The following DNAJC1 variants were observed in gnomAD, a reference collection of about 807,000 sequenced individuals.
DNAJC1 encodes the protein DnaJ heat shock protein family (Hsp40) member C1.
DNAJC1 carries 58 observed loss-of-function variants against 76.6 expected under a neutral mutation model. The ratio of observed to expected loss-of-function variants is 0.76; its 90% CI spans 0.61 to 0.94. DNAJC1 has a LOEUF of 0.94. DNAJC1 is among the 40% of genes least tolerant of loss of function. The pLI is 0.00. For synonymous variants in DNAJC1, 258 were observed against 267.9 expected (o/e 0.96, Z 0.36); for missense variants, 689 against 677.3 (o/e 1.02, Z -0.19).
At chr10:21,778,774 G>A (rs1057193542) in intron 9 of DNAJC1, among the ~76,000 whole-genome samples, 2 of 152,238 alleles carry the variant, frequency 1.3e-5, no homozygotes, top group African/African-American at 4.8e-5. Flanking sequence ...AGCCCACCAA[G>A]CGTGAGCCGA....
At chr10:21,774,561 G>A (rs912058761) in intron 9 of DNAJC1, among the ~76,000 whole-genome samples, 3 of 152,116 alleles carry the variant, frequency 2.0e-5, no homozygotes, top group Non-Finnish European at 2.9e-5. Context: ...TACAAGCTCC[G>A]CCTCCTGGGT....
chr10:21,942,384 C>T (rs2131797951), intron 1 of DNAJC1, among the ~76,000 whole-genome samples: 1 of 152,220 alleles, frequency 6.6e-6, no homozygotes, highest in South Asian at 2.1e-4. Context: ...CAGCAGAATA[C>T]TTTAATATAC....
chr10:21,918,849 T>A lies in DNAJC1; in HGVS notation c.659A>T (p.His220Leu), dbSNP rs760220559. ...NERLLMKPQW[H>L]DLLPCKLGIW... ...CCCCAGTTTGCATGGAAGCAAATCA[T>A]GCCACTGTGGTTTCATCAGCAATCT... The change falls in exon 6 of 12, where the codon CAT becomes CTT. Residue 220 changes from histidine (H) to leucine (L), a missense_variant. Transcript: ENST00000376980. 3.1e-6 allele frequency: 5 copies of A among 1,613,234 alleles called. No individual in the cohort carries two copies. Among genetic ancestry groups the A allele is most frequent in the Non-Finnish European group, 4.2e-6 (5 of 1,179,344 alleles).
At chr10:21,798,990 G>C (rs542066313) in intron 9 of DNAJC1, among the ~76,000 whole-genome samples, 8 of 152,312 alleles carry the variant, frequency 5.3e-5, no homozygotes, top group African/African-American at 1.9e-4. Context: ...ATATGTGCCT[G>C]ACCAACAATC....
chr10:21,861,868 C>T (rs1163972653), intron 8 of DNAJC1, among the ~76,000 whole-genome samples: 2 of 152,050 alleles, frequency 1.3e-5, no homozygotes, highest in Admixed American at 6.6e-5. Context: ...TGGGGCTGCT[C>T]GATCTGGAGT....
chr10:21,795,659 G>A (rs1362186494), intron 9 of DNAJC1, among the ~76,000 whole-genome samples: 1 of 152,144 alleles, frequency 6.6e-6, no homozygotes, highest in African/African-American at 2.4e-5. Flanking sequence ...AATAACATGA[G>A]ATTTACTCTC....
intron 1 of DNAJC1, among the ~76,000 whole-genome samples, chr10:21,991,163 T>C (rs1399109749): frequency 6.6e-6 from 1 of 152,160 alleles, no homozygotes; most frequent in African/African-American, 2.4e-5. Flanking sequence ...TAGCTAGCAA[T>C]ATATAAGATG....
At chr10:21,962,649 C>CTTT (rs775112321) in intron 1 of DNAJC1, among the ~76,000 whole-genome samples, 1 of 131,948 alleles carries the variant, frequency 7.6e-6, no homozygotes, top group East Asian at 2.1e-4. Flanking sequence ...TTTTCTTTTT[C>CTTT]TTTTTTTTTT....
intron 1 of DNAJC1, among the ~76,000 whole-genome samples, chr10:21,998,007 A>AT (rs34164311): frequency 3.3e-5 from 5 of 152,156 alleles, no homozygotes; most frequent in Non-Finnish European, 5.9e-5. Flanking sequence ...CAATTCACAG[A>AT]TTTTTTTAAA....
At chr10:21,757,424 T>G (rs1453942939) in intron 11 of DNAJC1, among the ~76,000 whole-genome samples, 1 of 152,220 alleles carries the variant, frequency 6.6e-6, no homozygotes, top group African/African-American at 2.4e-5. Flanking sequence ...TCTATTCTGT[T>G]TCTGTTCCAA....
intron 10 of DNAJC1, among the ~76,000 whole-genome samples, chr10:21,763,820 C>T (rs1323271821): frequency 6.6e-6 from 1 of 152,066 alleles, no homozygotes; most frequent in Non-Finnish European, 1.5e-5. Context: ...AGTGAAAGAA[C>T]ATGGGATGAT....
intron 8 of DNAJC1, among the ~76,000 whole-genome samples, chr10:21,823,839 T>C (rs1835198582): frequency 2.6e-5 from 4 of 152,126 alleles, no homozygotes; most frequent in African/African-American, 9.7e-5. Flanking sequence ...ATCCAGTCTG[T>C]GGGCATCATG....
At chr10:21,994,573 G>A (rs1299252095) in intron 1 of DNAJC1, among the ~76,000 whole-genome samples, 4 of 152,118 alleles carry the variant, frequency 2.6e-5, no homozygotes, top group African/African-American at 4.8e-5. Context: ...TGGATCACGA[G>A]GTCAGGAGAT....
chr10:21,918,936 G>T, intron 5 of DNAJC1, 64 bp from the exon 6 acceptor site: 1 of 1,154,836 alleles, frequency 8.7e-7, no homozygotes, highest in South Asian at 1.3e-5. Flanking sequence ...AAAGTTGGGA[G>T]GCAAAATAAT....
intron 8 of DNAJC1, among the ~76,000 whole-genome samples, chr10:21,861,067 A>G (rs1342904616): frequency 2.6e-5 from 4 of 152,200 alleles, no homozygotes; most frequent in African/African-American, 9.7e-5. Context: ...TTTCCAAATA[A>G]GGTCACATTC....
intron 8 of DNAJC1, among the ~76,000 whole-genome samples, chr10:21,858,068 T>C (rs61851882): frequency 0.012 from 1,829 of 152,294 alleles, 17 homozygotes; most frequent in Admixed American, 0.019. Context: ...TATCCTAAAT[T>C]ATAATTTAAA....
intron 6 of DNAJC1, among the ~76,000 whole-genome samples, chr10:21,914,535 T>TAA (rs1299010161): frequency 1.7e-4 from 26 of 152,318 alleles, no homozygotes; most frequent in African/African-American, 6.0e-4. Flanking sequence ...TGTTGTCTTA[T>TAA]CAGTTAACTT....
intron 10 of DNAJC1, among the ~76,000 whole-genome samples, chr10:21,762,419 T>C (rs917613700): frequency 6.6e-6 from 1 of 152,216 alleles, no homozygotes; most frequent in African/African-American, 2.4e-5. Context: ...ATTTGCTTTA[T>C]TTTGGCACCT....
intron 8 of DNAJC1, among the ~76,000 whole-genome samples, chr10:21,851,993 C>T (rs1022286891): frequency 6.6e-6 from 1 of 151,692 alleles, no homozygotes; most frequent in Admixed American, 6.6e-5. Context: ...GCGGAGCTTG[C>T]AGTGAGCCGA....
Sources: gnomAD v4.1 joint callset for allele counts (sites outside exome capture counted in the v4.1 genomes callset) on GRCh38, gnomAD v4.1.1 for gene constraint, MANE v1.5 for transcripts, NCBI Gene and HGNC (gene_info 2026-07-23, HGNC 2026-07-21) for gene names.